The following HADHA variants were observed in gnomAD, a reference collection of about 807,000 sequenced individuals.
HADHA encodes the protein hydroxyacyl-CoA dehydrogenase trifunctional multienzyme complex subunit alpha.
In HADHA, 59 loss-of-function variants were observed where a neutral mutation model predicts 91.3. The ratio of observed to expected loss-of-function variants is 0.65; its 90% CI spans 0.52 to 0.80. The LOEUF is 0.80. HADHA is among the 30% of genes least tolerant of loss of function. HADHA has a pLI of 0.00. For missense variants in HADHA, 800 were observed against 927.6 expected (o/e 0.86, Z 1.79); for synonymous variants, 320 against 338.9 (o/e 0.94, Z 0.61).
At chr2:26,202,692 G>A (rs917754726) in intron 12 of HADHA, among the ~76,000 whole-genome samples, 1 of 152,236 alleles carries the variant, frequency 6.6e-6, no homozygotes. Flanking sequence ...AGTGAGCCAA[G>A]ATTGCACCAT....
At chr2:26,226,082 G>A (rs4665841) in intron 7 of HADHA, among the ~76,000 whole-genome samples, 118,394 of 151,684 alleles carry the variant, frequency 0.78, 46,194 homozygotes, top group East Asian at 0.85. Flanking sequence ...AAGTAAAACA[G>A]CCTACAAGTA....
At chr2:26,244,361 G>A (rs1021443035) in intron 1 of HADHA, among the ~76,000 whole-genome samples, 169 bp downstream of exon 1, 2 of 152,256 alleles carry the variant, frequency 1.3e-5, no homozygotes, top group Non-Finnish European at 2.9e-5. Context: ...GGAAGTGACA[G>A]TCTCTTCAGA....
chr2:26,232,466 T>A (rs868425533), intron 5 of HADHA, among the ~76,000 whole-genome samples, 187 bp from the exon 6 acceptor site: 1 of 152,202 alleles, frequency 6.6e-6, no homozygotes, highest in Admixed American at 6.5e-5. Context: ...ACTTTTCCTC[T>A]AATTTACTAA....
At chr2:26,202,425 T>C (rs1669869163) in intron 12 of HADHA, among the ~76,000 whole-genome samples, 2 of 152,100 alleles carry the variant, frequency 1.3e-5, no homozygotes. Context: ...GGCCACAAGA[T>C]AAATACAAAG....
At chr2:26,236,378 CTCTG>C (rs1482001310) in intron 4 of HADHA, among the ~76,000 whole-genome samples, 962 of 41,388 alleles carry the variant, frequency 0.023, 12 homozygotes, top group African/African-American at 0.043. Flanking sequence ...TATATATATA[CTCTG>C]TGTGTGTGTG....
chr2:26,240,514 G>A (rs899818996), intron 1 of HADHA, among the ~76,000 whole-genome samples: 6 of 152,184 alleles, frequency 3.9e-5, no homozygotes, highest in Non-Finnish European at 8.8e-5. Flanking sequence ...GCAAAACAGG[G>A]TAAAGTGGAT....
intron 11 of HADHA, among the ~76,000 whole-genome samples, chr2:26,208,622 CAG>C (rs1670022874): frequency 6.6e-6 from 1 of 152,124 alleles, no homozygotes; most frequent in Non-Finnish European, 1.5e-5. Context: ...ATGCCGTGCA[CAG>C]GGAATGGGTG....
chr2:26,204,642 G>T (rs1216493076), intron 11 of HADHA, among the ~76,000 whole-genome samples: 1 of 152,102 alleles, frequency 6.6e-6, no homozygotes, highest in Non-Finnish European at 1.5e-5. Flanking sequence ...GAGTGCAGTG[G>T]TGCAATCCTA....
intron 4 of HADHA, among the ~76,000 whole-genome samples, chr2:26,236,426 A>ATATAT (rs763831719): frequency 7.9e-6 from 1 of 125,958 alleles, no homozygotes; most frequent in Non-Finnish European, 1.7e-5. Flanking sequence ...GTGTGTATAT[A>ATATAT]CTTTTTTTTT....
At chr2:26,244,325 G>A (rs1314513160) in intron 1 of HADHA, among the ~76,000 whole-genome samples, 1 of 152,268 alleles carries the variant, frequency 6.6e-6, no homozygotes, top group African/African-American at 2.4e-5. Flanking sequence ...TAGGAAGCCT[G>A]AAATCGCCGC....
intron 11 of HADHA, among the ~76,000 whole-genome samples, chr2:26,205,321 T>G (rs186058537): frequency 1.0e-3 from 156 of 152,334 alleles, no homozygotes; most frequent in African/African-American, 3.7e-3. Flanking sequence ...CCATTCTGAT[T>G]GTAATGTTCA....
At chr2:26,242,002 A>G (rs990883210) in intron 1 of HADHA, among the ~76,000 whole-genome samples, 3 of 151,916 alleles carry the variant, frequency 2.0e-5, no homozygotes, top group Non-Finnish European at 2.9e-5. Flanking sequence ...CCTGGGTTCA[A>G]GCGATTCTCC....
rs747135935 is a variant in HADHA at position 26,192,340 on chromosome 2, G to A, written c.1970C>T (p.Ala657Val). 6 of 1,602,350 alleles carry A rather than the reference G, an allele frequency of 3.7e-6. No individual in the cohort carries two copies. The highest frequency in any genetic ancestry group is 5.1e-6 in the Non-Finnish European group (6 of 1,169,240). The change falls in exon 18 of 20, where the codon GCG (alanine) becomes GTG (valine). Residue 657 changes from alanine (A) to valine (V), a missense_variant. Ala to Val is a moderately conservative substitution (Grantham distance 64, BLOSUM62 0). Transcript: ENST00000380649. ...AGACTTAGGAGGCAGCTTCAGACTC[G>A]CTAAAATACTATCCATGTCAGAATT... ...DLNSDMDSILASLKLPPKSEV... is the reference protein window; with the variant it reads ...DLNSDMDSILVSLKLPPKSEV...
chr2:26,193,658 C>A lies in HADHA; in HGVS notation c.1804G>T (p.Asp602Tyr). Residue 602 changes from aspartate (D) to tyrosine (Y), a missense_variant, in exon 17 of 20, where the codon GAT becomes TAT. By Grantham distance (160) the Asp-to-Tyr change is radical. Coordinates refer to ENST00000380649, the MANE Select transcript of HADHA (RefSeq NM_000182.5). ...GVDVAKHVAEDLGKVFGERFG... is the reference protein window; with the variant it reads ...GVDVAKHVAEYLGKVFGERFG... ...CGCTCCCCAAAGACTTTGCCCAGAT[C>A]TTCCGCCACATGTTTCGCTACATCC... 1 of 1,614,080 alleles carries A rather than the reference C, an allele frequency of 6.2e-7. No individual in the cohort carries two copies. The highest frequency in any genetic ancestry group is 8.5e-7 in the Non-Finnish European group (1 of 1,179,948).
intron 7 of HADHA, among the ~76,000 whole-genome samples, chr2:26,224,564 G>A (rs900249083): frequency 6.6e-6 from 1 of 152,154 alleles, no homozygotes; most frequent in Non-Finnish European, 1.5e-5. Context: ...TAGCATTTAT[G>A]TTACAGAATA....
In HADHA at chr2:26,231,234, C is replaced by T. The variant is rs539968000; in HGVS notation, c.573+926G>A. 2.6e-5 allele frequency among the ~76,000 whole-genome samples: 4 copies of T among 152,306 alleles called. No homozygotes were observed. In the East Asian group the frequency reaches 7.7e-4, roughly 29 times the overall value. On this transcript the variant is annotated intron_variant, in intron 6 of 19. Coordinates refer to ENST00000380649, the MANE Select transcript of HADHA (RefSeq NM_000182.5). ...CATTATTATTATTAGAAAATTAACA[C>T]CATAAACCTTGTTTTCTTTTGTGCT...
chr2:26,217,689 C>G (rs1170342652), intron 7 of HADHA, among the ~76,000 whole-genome samples: 1 of 151,984 alleles, frequency 6.6e-6, no homozygotes, highest in Admixed American at 6.6e-5. Context: ...TCACGTGAGC[C>G]CAGGGGTTTG....
rs773885424 is a variant in HADHA, at chr2:26,201,366, A to G, written c.1221-46T>C. 5.9e-6 allele frequency: 8 copies of G among 1,344,626 alleles called. 1 individual carries two copies. In the South Asian group the frequency reaches 8.2e-5, roughly 14 times the overall value. The allele number at this position is 1,344,626 out of a possible 1,614,324, so 83.3% of individuals were successfully genotyped here. A position where few individuals can be genotyped will look rare whatever the true frequency, so the allele number is the denominator to read the frequency against. On this transcript the variant is annotated intron_variant, in intron 12 of 19. Transcript: ENST00000380649. ...GTTAGATGGGAAGAAAAGGAAACTA[A>G]CGTTTATTGAATGTCCATGGGCCAG...
At chr2:26,206,226 A>T (rs1669967442) in intron 11 of HADHA, among the ~76,000 whole-genome samples, 1 of 139,590 alleles carries the variant, frequency 7.2e-6, no homozygotes, top group Non-Finnish European at 1.6e-5. Context: ...CAGACTGGCA[A>T]TTTTTTTTTT....
Sources: allele counts gnomAD v4.1 joint callset (sites outside exome capture counted in the v4.1 genomes callset), GRCh38; gene constraint gnomAD v4.1.1; transcripts MANE v1.5; gene names NCBI Gene and HGNC (gene_info 2026-07-23, HGNC 2026-07-21).